EVPL: variants seen among roughly 807,000 people sequenced by gnomAD.
The protein encoded by EVPL is 210 kDa cornified envelope precursor protein.
EVPL carries 94 observed loss-of-function variants against 129.7 expected under a neutral mutation model. The ratio of observed to expected loss-of-function variants is 0.72; its 90% CI spans 0.61 to 0.86. The LOEUF is 0.86. EVPL is among the 40% of genes least tolerant of loss of function. The pLI is 0.00. For synonymous variants in EVPL, 1,172 were observed against 1,191.1 expected, an observed-to-expected ratio of 0.98 and a Z score of 0.33; for missense variants, 2,625 against 2,721.1, an observed-to-expected ratio of 0.96 and a Z score of 0.79.
intron 18 of EVPL, chr17:76,012,386 C>A: frequency 3.2e-6 from 1 of 312,228 alleles, no homozygotes; most frequent in Non-Finnish European, 5.9e-6. Flanking sequence ...CAGCAGCCTC[C>A]TGGGTTCAAG....
At position 76,008,111 on chromosome 17, in the gene EVPL, G is replaced by A. The variant is rs1226956700; in HGVS notation, c.5094C>T (p.Ser1698=). ...ILEPETGKDM[S]PYEAYKRGII... is the part of the protein sequence containing the mutation. ...TGCCCCTCTTGTAGGCCTCGTATGG[G>A]GACATGTCCTTCCCCGTCTCGGGTT... is the stretch of plus-strand genomic sequence containing the variant. The change falls in exon 22 of 22, where the codon TCC becomes TCT. Residue 1698 remains serine (S), a synonymous_variant. Coordinates refer to ENST00000301607, the MANE Select transcript of EVPL (RefSeq NM_001988.4). The surrounding 1 kb of genome is among the most constrained non-coding windows in gnomAD (Gnocchi z 7.4). The A allele has an allele frequency of 1.2e-6, 2 of 1,613,986 alleles. No individual in the cohort carries two copies. The highest frequency in any genetic ancestry group is 1.7e-6 in the Non-Finnish European group (2 of 1,180,030).
Position 76,014,508 on chromosome 17 carries a change from G to C in EVPL, c.2291C>G (p.Ser764Cys). 1 of 1,612,162 alleles carries C rather than the reference G, an allele frequency of 6.2e-7. No homozygotes were observed. The highest frequency in any genetic ancestry group is 8.5e-7 in the Non-Finnish European group (1 of 1,179,592). Residue 764 changes from serine to cysteine, a missense_variant, in exon 18 of 22, where the codon TCC becomes TGC. Ser to Cys is a moderately radical substitution (Grantham distance 112, BLOSUM62 -1). This residue lies in a region of EVPL where 1,024 missense variants were observed against 997.5 expected (regional missense o/e 1.03). Coordinates refer to ENST00000301607, the MANE Select transcript of EVPL (RefSeq NM_001988.4). ...QFKNCKDNLS[S>C]WLEHLPRSQV... ...GCTGCGGGGCAGGTGCTCCAGCCAG[G>C]AGCTCAGGTTATCCTTGCAGTTCTT...
chr17:76,018,806 T>C (rs1026317825), intron 11 of EVPL, 108 bp downstream of exon 11: 49 of 1,088,042 alleles, frequency 4.5e-5, no homozygotes, highest in Non-Finnish European at 5.6e-5. Flanking sequence ...AGGGCAAAAG[T>C]GGGCGCAGGA....
rs2066435095 is a variant in EVPL at position 76,018,584 on chromosome 17, C to T, written c.1301G>A (p.Gly434Asp). 6.2e-7 allele frequency: 1 copy of T among 1,603,282 alleles called. No homozygotes were observed. Among genetic ancestry groups the T allele is most frequent in the Non-Finnish European group, 8.5e-7 (1 of 1,174,938 alleles). The change falls in exon 12 of 22, where the codon GGT becomes GAT. Residue 434 changes from glycine to aspartate, a missense_variant. Gly to Asp is a moderately conservative substitution (Grantham distance 94). Around this residue, in one of 4 missense-constraint regions of EVPL, gnomAD observed 1,024 missense variants for 997.5 expected, o/e 1.03. Coordinates refer to ENST00000301607, the MANE Select transcript of EVPL (RefSeq NM_001988.4). ...GTTATCTACCAGCTTATACCGCTCA[C>T]CCTGCAGCAGCTGCACCTGGGGGCA... ...WDSGEVQLLQGERYKLVDNTD... is the reference protein window; with the variant it reads ...WDSGEVQLLQDERYKLVDNTD...
At chr17:76,027,073 C>G (rs537381168) in intron 1 of EVPL, 28 bp downstream of exon 1, 5 of 1,344,104 alleles carry the variant, frequency 3.7e-6, no homozygotes, top group South Asian at 2.8e-5. Context: ...CCCAGTTCCC[C>G]GGCTCCCCAT....
chr17:76,013,261 C>T lies in EVPL; in HGVS notation c.2373+1165G>A, dbSNP rs1386508998. On this transcript the variant is annotated intron_variant, in intron 18 of 21. Coordinates refer to ENST00000301607, the MANE Select transcript of EVPL (RefSeq NM_001988.4). This position sits in a 1 kb window ranked among gnomAD's most constrained non-coding sequence, Gnocchi z 4.3. ...AAGCTCTCTGGGAGATTCTAGTTTG[C>T]AGCCAGGGCTGAGAATCTCTGTCCC... 6.6e-6 allele frequency among the ~76,000 whole-genome samples: 1 copy of T among 152,184 alleles called. No individual in the cohort carries two copies. Among genetic ancestry groups the T allele is most frequent in the African/African-American group, 2.4e-5 (1 of 41,434 alleles).
In EVPL at chr17:76,008,021, G is replaced by A; in HGVS notation, c.5184C>T (p.Thr1728=). 5 of 1,614,126 alleles carry A rather than the reference G, an allele frequency of 3.1e-6. No individual in the cohort carries two copies. The South Asian group carries it at 5.5e-5, about 18-fold the overall frequency. Residue 1728 remains threonine, a synonymous_variant, in exon 22 of 22, where the codon ACC becomes ACT. Coordinates refer to ENST00000301607, the MANE Select transcript of EVPL (RefSeq NM_001988.4). This position sits in a 1 kb window ranked among gnomAD's most constrained non-coding sequence, Gnocchi z 7.4. The part of the protein sequence containing the change: ...ELECDWEEVT[T]SGPCGEESVL... The stretch of plus-strand genomic sequence containing the variant: ...CAGACTCCTCCCCACAGGGCCCCGA[G>A]GTGGTGACCTCCTCCCAGTCACACT...
chr17:76,008,313 G>T lies in EVPL; in HGVS notation c.4892C>A (p.Ala1631Glu). 1 of 1,608,068 alleles carries T rather than the reference G, an allele frequency of 6.2e-7. No individual in the cohort carries two copies. Residue 1631 changes from alanine to glutamate, a missense_variant, in exon 22 of 22, where the codon GCG (alanine) becomes GAG (glutamate). This residue lies in a region of EVPL where 1,453 missense variants were observed against 1,511.8 expected (regional missense o/e 0.96). Coordinates refer to ENST00000301607, the MANE Select transcript of EVPL (RefSeq NM_001988.4). The surrounding 1 kb of genome is among the most constrained non-coding windows in gnomAD (Gnocchi z 7.4). ...SQKTESERQK[A>E]AQRGQELSRL... is the part of the protein sequence containing the mutation. Reference sequence around the variant, plus strand: ...CGAGAGCTCCTGGCCCCGCTGGGCCGCCTTCTGTCGCTCGCTCTCCGTCTT... The same window carrying T: ...CGAGAGCTCCTGGCCCCGCTGGGCCTCCTTCTGTCGCTCGCTCTCCGTCTT...
chr17:76,015,355 C>A lies in EVPL; in HGVS notation c.1900G>T (p.Ala634Ser). 1 of 1,603,940 alleles carries A rather than the reference C, an allele frequency of 6.2e-7. No individual in the cohort carries two copies. ...CSLYGEKAKAALDLERQIQDA... is the reference protein window; with the variant it reads ...CSLYGEKAKASLDLERQIQDA... ...TGGATCTGCCGCTCCAGATCCAGGG[C>A]AGCCTTGGCTCTGCCGCAGAGGAGG... The change falls in exon 16 of 22, where the codon GCC becomes TCC. Residue 634 changes from alanine (A) to serine (S), a missense_variant. Transcript: ENST00000301607.
In EVPL at chr17:76,007,805, CG is replaced by C. The variant is rs2066332721; in HGVS notation, c.5399del (p.Pro1800ArgfsTer88). On this transcript the variant is annotated frameshift_variant, in exon 22 of 22. Coordinates refer to ENST00000301607, the MANE Select transcript of EVPL (RefSeq NM_001988.4). LOFTEE classifies it low-confidence loss of function (END_TRUNC). The surrounding 1 kb of genome is among the most constrained non-coding windows in gnomAD (Gnocchi z 8.8). ...TGCTCTGGGGGGCCGGGGAGGCGAG[CG>C]GGGACTTGGAGATGATAGAGCCGAT... ...LSIGSIISKSPLASPAPQSTS... is the reference protein window; with the variant it reads ...LSIGSIISKSXLASPAPQSTS... 1.9e-6 allele frequency: 3 copies of C among 1,610,770 alleles called. No homozygotes were observed. Among genetic ancestry groups the C allele is most frequent in the Non-Finnish European group, 2.5e-6 (3 of 1,177,648 alleles).
In EVPL at chr17:76,023,526, G is replaced by A; in HGVS notation, c.327C>T (p.His109=). 2 of 1,613,192 alleles carry A rather than the reference G, an allele frequency of 1.2e-6. No individual in the cohort carries two copies. Among genetic ancestry groups the A allele is most frequent in the South Asian group, 1.1e-5 (1 of 91,054 alleles). The change falls in exon 3 of 22, where the codon CAC becomes CAT. Residue 109 remains histidine, a synonymous_variant. Transcript: ENST00000301607. ...CCTTCTCAATCTCCTCAGCCTGCGG[G>A]TGCTTGAGCCGCCGGGCCTTGTCCA... ...LDVDKARRLK[H]PQAEEIEKDI...
In EVPL at chr17:76,007,830, A is replaced by G; in HGVS notation, c.5375T>C (p.Ile1792Thr). ...GETKPSSSLS[I>T]GSIISKSPLA... Reference sequence around the variant, plus strand: ...CGGGGACTTGGAGATGATAGAGCCGATGGAGAGTGAGGAGCTTGGCTTGGT... The same window carrying G: ...CGGGGACTTGGAGATGATAGAGCCGGTGGAGAGTGAGGAGCTTGGCTTGGT... The change falls in exon 22 of 22, where the codon ATC becomes ACC. Residue 1792 changes from isoleucine (I) to threonine (T), a missense_variant. By Grantham distance (89) the Ile-to-Thr change is moderately conservative. Around this residue, in one of 4 missense-constraint regions of EVPL, gnomAD observed 1,453 missense variants for 1,511.8 expected, o/e 0.96. Coordinates refer to ENST00000301607, the MANE Select transcript of EVPL (RefSeq NM_001988.4). This position sits in a 1 kb window ranked among gnomAD's most constrained non-coding sequence, Gnocchi z 8.8. 1.2e-6 allele frequency: 2 copies of G among 1,611,750 alleles called. No homozygotes were observed. Among genetic ancestry groups the G allele is most frequent in the Non-Finnish European group, 8.5e-7 (1 of 1,178,282 alleles).
Position 76,024,264 on chromosome 17 carries a change from A to G in EVPL, c.99-144T>C, listed in dbSNP as rs2066484246. On this transcript the variant is annotated intron_variant, in intron 1 of 21. Coordinates refer to ENST00000301607, the MANE Select transcript of EVPL (RefSeq NM_001988.4). This position sits in a 1 kb window ranked among gnomAD's most constrained non-coding sequence, Gnocchi z 4.5. ...CTGACTTTGGGGTCTCTCTCTGCAG[A>G]AGGCTCTGTGAGCTAGTCCTGGTTG... is the stretch of plus-strand genomic sequence containing the variant. The G allele has an allele frequency of 1.3e-6, 1 of 751,542 alleles. No individual in the cohort carries two copies. The highest frequency in any genetic ancestry group is 2.2e-5 in the Admixed American group (1 of 44,570). The allele number at this position is 751,542 out of a possible 1,614,324, so 46.6% of individuals were successfully genotyped here.
rs956778404 is a variant in EVPL at position 76,024,379 on chromosome 17, TG to T, written c.99-260del. Among the ~76,000 whole-genome samples, 8 of 151,328 alleles carry T rather than the reference TG, an allele frequency of 5.3e-5. No homozygotes were observed. The highest frequency in any genetic ancestry group is 8.8e-5 in the Non-Finnish European group (6 of 67,808). On this transcript the variant is annotated intron_variant, in intron 1 of 21. Coordinates refer to ENST00000301607, the MANE Select transcript of EVPL (RefSeq NM_001988.4). This position sits in a 1 kb window ranked among gnomAD's most constrained non-coding sequence, Gnocchi z 4.5. ...CTGGGGAGGGGGCAGGCGGCCTCGG[TG>T]TCCCAGCCTTAGCCAGCTGTGCTGG...
intron 18 of EVPL, chr17:76,012,312 T>TTTC (rs1555624395): frequency 4.9e-6 from 2 of 409,436 alleles, no homozygotes; most frequent in African/African-American, 4.1e-5. Flanking sequence ...TTTCTTTCCT[T>TTTC]TTTTTTTTTT....
rs1014453539 is a variant in EVPL, at chr17:76,015,556, A to G, written c.1783T>C (p.Ser595Pro). The G allele has an allele frequency of 3.1e-6, 5 of 1,613,160 alleles. No individual in the cohort carries two copies. Among genetic ancestry groups the G allele is most frequent in the Admixed American group, 3.3e-5 (2 of 60,002 alleles). Reference sequence around the variant, plus strand: ...GCAGCGGGGCCCACGGGCCGCGTGGACAGAAACGCCTCGCACTCCTTCTGG... The same window carrying G: ...GCAGCGGGGCCCACGGGCCGCGTGGGCAGAAACGCCTCGCACTCCTTCTGG... ...TAQKECEAFL[S>P]TRPVGPAALQ... Residue 595 changes from serine (S) to proline (P), a missense_variant, in exon 15 of 22, where the codon TCC becomes CCC. Coordinates refer to ENST00000301607, the MANE Select transcript of EVPL (RefSeq NM_001988.4).
chr17:76,011,532 T>G, intron 21 of EVPL, 44 bp downstream of exon 21: 1 of 1,544,598 alleles, frequency 6.5e-7, no homozygotes, highest in Non-Finnish European at 9.0e-7. Context: ...CATTCCTGGT[T>G]ATTCCTGGCT....
chr17:76,010,141 C>G lies in EVPL; in HGVS notation c.3064G>C (p.Val1022Leu). Residue 1022 changes from valine to leucine, a missense_variant, in exon 22 of 22, where the codon GTG (valine) becomes CTG (leucine). By Grantham distance (32) the Val-to-Leu change is conservative. Coordinates refer to ENST00000301607, the MANE Select transcript of EVPL (RefSeq NM_001988.4). ...PHLLTKEVTQVERDPGLDSQA... is the reference protein window; with the variant it reads ...PHLLTKEVTQLERDPGLDSQA... ...CTGTCCAGGCCGGGGTCCCTCTCCA[C>G]CTGGGTGACCTCCTTGGTCAGCAGA... 1 of 1,614,122 alleles carries G rather than the reference C, an allele frequency of 6.2e-7. No homozygotes were observed. The highest frequency in any genetic ancestry group is 8.5e-7 in the Non-Finnish European group (1 of 1,180,028).
In EVPL at chr17:76,022,168, C is replaced by T. The variant is rs774252873; in HGVS notation, c.645+21G>A. The stretch of plus-strand genomic sequence containing the variant: ...CCAGGCCCACCCGCAGCCTCCCTGC[C>T]CGACCCTCCCTCCTGCTCACCAGTA... On this transcript the variant is annotated intron_variant, in intron 6 of 21. Coordinates refer to ENST00000301607, the MANE Select transcript of EVPL (RefSeq NM_001988.4). This position sits in a 1 kb window ranked among gnomAD's most constrained non-coding sequence, Gnocchi z 5.6. 1.2e-6 allele frequency: 2 copies of T among 1,611,810 alleles called. No individual in the cohort carries two copies. Among genetic ancestry groups the T allele is most frequent in the South Asian group, 2.2e-5 (2 of 90,952 alleles).
Sources: gnomAD v4.1 joint callset for allele counts (sites outside exome capture counted in the v4.1 genomes callset) on GRCh38, gnomAD v4.1.1 for gene constraint, gnomAD v4.1.1 regional missense constraint, Gnocchi (gnomAD v3.1) non-coding constraint, MANE v1.5 for transcripts, NCBI Gene and HGNC (gene_info 2026-07-23, HGNC 2026-07-21) for gene names.